Variants in DTNA observed in about 807,000 individuals in gnomAD.
DTNA encodes the protein dystrophin-related protein 3.
Under a neutral mutation model 100.7 loss-of-function variants are expected in DTNA, and 43 were observed. That is an observed-to-expected ratio of 0.43 (90% CI 0.33 to 0.55). DTNA has a LOEUF of 0.55. Ranked by LOEUF, DTNA falls within the 20% of genes least tolerant of loss-of-function variation. The probability of loss-of-function intolerance (pLI) is 0.04; values close to 1 mark genes in which losing one functional copy is unlikely to be tolerated. For missense variants in DTNA, 798 were observed against 953.9 expected (o/e 0.84, Z 2.15); for synonymous variants, 349 against 347.9 (o/e 1.00, Z -0.04).
At chr18:34,768,669 A>C (rs1043675739) in intron 3 of DTNA, among the ~76,000 whole-genome samples, 1 of 152,192 alleles carries the variant, frequency 6.6e-6, no homozygotes, top group Non-Finnish European at 1.5e-5. Flanking sequence ...CCTGGGTGAA[A>C]ATAGAAGCTT....
chr18:34,697,421 A>G (rs1378140546), intron 1 of DTNA, among the ~76,000 whole-genome samples: 1 of 152,166 alleles, frequency 6.6e-6, no homozygotes, highest in Non-Finnish European at 1.5e-5. Context: ...CAGGGCCCCT[A>G]TTAAAATGCA....
chr18:34,777,153 G>T (rs1244495447), intron 3 of DTNA, among the ~76,000 whole-genome samples: 1 of 152,164 alleles, frequency 6.6e-6, no homozygotes, highest in East Asian at 1.9e-4. Flanking sequence ...TTACTTAGTT[G>T]TTATGTTTAT....
intron 1 of DTNA, among the ~76,000 whole-genome samples, chr18:34,696,675 C>T (rs991651592): frequency 1.6e-4 from 24 of 152,326 alleles, no homozygotes; most frequent in Admixed American, 2.6e-4. Flanking sequence ...CTCACCTTCC[C>T]AGCCCACTGA....
chr18:34,618,172 A>G (rs2055711727), intron 1 of DTNA, among the ~76,000 whole-genome samples: 2 of 152,156 alleles, frequency 1.3e-5, no homozygotes, highest in African/African-American at 4.8e-5. Flanking sequence ...ACAAGGGTCA[A>G]GAGTCGAACT....
chr18:34,860,799 A>G (rs779078268), intron 16 of DTNA, among the ~76,000 whole-genome samples: 16 of 152,216 alleles, frequency 1.1e-4, no homozygotes, highest in Non-Finnish European at 1.6e-4. Context: ...AGGCATTTCT[A>G]TGTGCTAATC....
At chr18:34,736,763 G>C (rs2089682130) in intron 1 of DTNA, among the ~76,000 whole-genome samples, 1 of 152,162 alleles carries the variant, frequency 6.6e-6, no homozygotes, top group Admixed American at 6.5e-5. Flanking sequence ...AAAACTGTGT[G>C]AATCAACCAA....
chr18:34,832,377 C>T (rs1165795141), intron 11 of DTNA, among the ~76,000 whole-genome samples: 1 of 151,982 alleles, frequency 6.6e-6, no homozygotes, highest in Non-Finnish European at 1.5e-5. Context: ...GGAATTACAC[C>T]AGTCTACACA....
chr18:34,838,929 A>G, intron 13 of DTNA, 92 bp downstream of exon 13: 1 of 1,074,354 alleles, frequency 9.3e-7, no homozygotes, highest in East Asian at 2.4e-5. Context: ...AGGTCACTGG[A>G]TGCCAGTGGT....
At chr18:34,848,116 G>A (rs572889234) in intron 13 of DTNA, among the ~76,000 whole-genome samples, 180 bp from the exon 14 acceptor site, 18 of 152,128 alleles carry the variant, frequency 1.2e-4, no homozygotes, top group African/African-American at 4.3e-4. Context: ...TGACCTTCCC[G>A]ACTATATATT....
chr18:34,829,049 G>A (rs759070428), intron 10 of DTNA: 4 of 1,614,124 alleles, frequency 2.5e-6, no homozygotes, highest in Non-Finnish European at 3.4e-6. Flanking sequence ...AGCTCGGACG[G>A]TGCTTTTGGT....
intron 1 of DTNA, among the ~76,000 whole-genome samples, chr18:34,551,016 C>T (rs2045352872): frequency 6.6e-6 from 1 of 152,248 alleles, no homozygotes; most frequent in South Asian, 2.1e-4. Flanking sequence ...ACTCCAATTT[C>T]TTTAATCCAG....
chr18:34,646,591 G>C (rs952727556), intron 1 of DTNA, among the ~76,000 whole-genome samples: 2 of 152,120 alleles, frequency 1.3e-5, no homozygotes, highest in Admixed American at 1.3e-4. Flanking sequence ...ATATGACATC[G>C]GAAGTACCAA....
At chr18:34,597,101 T>C (rs989452016) in intron 1 of DTNA, among the ~76,000 whole-genome samples, 3 of 152,050 alleles carry the variant, frequency 2.0e-5, no homozygotes, top group Non-Finnish European at 4.4e-5. Context: ...GAACGTGTGG[T>C]GTTCGGTTTT....
chr18:34,890,512 T>A lies in DTNA; in HGVS notation c.*2778T>A, dbSNP rs2096959817. ...ACATCTTGCGGGGGTTGTTTCTTTC[T>A]TGTTCCACAATGAATTGCACATCCA... On this transcript the variant is annotated 3_prime_UTR_variant, in exon 23 of 23. Coordinates refer to ENST00000444659, the MANE Select transcript of DTNA (RefSeq NM_001386795.1). 6.5e-7 allele frequency: 1 copy of A among 1,529,804 alleles called. No individual in the cohort carries two copies. The highest frequency in any genetic ancestry group is 2.0e-5 in the Admixed American group (1 of 50,450). The allele number at this position is 1,529,804 out of a possible 1,614,324, so 94.8% of individuals were successfully genotyped here.
rs573947834 is a variant in DTNA, at chr18:34,771,051, C to G, written c.148+5010C>G. On this transcript the variant is annotated intron_variant, in intron 3 of 22. Transcript: ENST00000444659. ...AATTACATTCTTCTCATTGGTAGAC[C>G]AGCATTTTCTTAATGTACCCAATTA... Among the ~76,000 whole-genome samples, 35 of 152,242 alleles carry G rather than the reference C, an allele frequency of 2.3e-4. 1 individual carries two copies. In the East Asian group the frequency reaches 5.4e-3, roughly 24 times the overall value.
At chr18:34,819,620 G>A (rs2095664436) in intron 8 of DTNA, among the ~76,000 whole-genome samples, 2 of 152,104 alleles carry the variant, frequency 1.3e-5, no homozygotes, top group African/African-American at 4.8e-5. Context: ...ATCTACATAA[G>A]GAGCCTCTTT....
At chr18:34,864,720 G>A (rs1416315598) in intron 17 of DTNA, among the ~76,000 whole-genome samples, 1 of 152,116 alleles carries the variant, frequency 6.6e-6, no homozygotes, top group Non-Finnish European at 1.5e-5. Context: ...AAATTAAGAG[G>A]AGTGACTGTT....
At chr18:34,857,215 G>A (rs2096563089) in intron 15 of DTNA, among the ~76,000 whole-genome samples, 1 of 152,200 alleles carries the variant, frequency 6.6e-6, no homozygotes, top group African/African-American at 2.4e-5. Context: ...CTGAATTACA[G>A]TTCCATCTTC....
intron 1 of DTNA, chr18:34,593,168 G>A (rs2049937276): frequency 6.6e-6 from 1 of 152,202 alleles, no homozygotes; most frequent in African/African-American, 2.4e-5. Flanking sequence ...GTAGAGACAG[G>A]TAAAAAGACA....
Sources: allele counts gnomAD v4.1 joint callset (sites outside exome capture counted in the v4.1 genomes callset), GRCh38; gene constraint gnomAD v4.1.1; transcripts MANE v1.5; gene names NCBI Gene and HGNC (gene_info 2026-07-23, HGNC 2026-07-21).